PPP1R14D: variants seen among roughly 807,000 people sequenced by gnomAD.
PPP1R14D encodes protein phosphatase 1 regulatory inhibitor subunit 14D.
In PPP1R14D, 14 loss-of-function variants were observed where a neutral mutation model predicts 17.1. The observed-to-expected ratio is 0.82, with a 90% CI of 0.54 to 1.28. The LOEUF is 1.28. PPP1R14D is among the 50% of genes most tolerant of loss of function. PPP1R14D has a pLI of 0.00. For synonymous variants in PPP1R14D, 67 were observed against 66.1 expected, an observed-to-expected ratio of 1.01 and a Z score of -0.06; for missense variants, 173 against 179.2, an observed-to-expected ratio of 0.97 and a Z score of 0.20.
intron 1 of PPP1R14D, among the ~76,000 whole-genome samples, chr15:40,819,897 G>C (rs1890741354): frequency 6.8e-6 from 1 of 147,190 alleles, no homozygotes; most frequent in African/African-American, 2.5e-5. Flanking sequence ...ATGGAGGTTT[G>C]CTCTTGTTGC....
rs556435257 is a variant in PPP1R14D, at chr15:40,822,020, G to A, written c.256-5767C>T. On this transcript the variant is annotated intron_variant, in intron 1 of 3. Transcript: ENST00000299174. ...TGGTCAGGTGCAGTGGCTTATGCCTGTAATCCCAGCACTTTGGGAGGCTGA... is the reference window on the plus strand; with the variant it reads ...TGGTCAGGTGCAGTGGCTTATGCCTATAATCCCAGCACTTTGGGAGGCTGA... Among the ~76,000 whole-genome samples, 9 of 152,290 alleles carry A rather than the reference G, an allele frequency of 5.9e-5. No individual in the cohort carries two copies. The East Asian group carries it at 1.7e-3, about 29-fold the overall frequency.
In PPP1R14D at chr15:40,816,227, C is replaced by T. The variant is rs1230199624; in HGVS notation, c.282G>A (p.Glu94=). ...GATCCATGAGAGCTTCCAGGTCAATCTCAGGCTCAGAAGGGGTTGCTTGAT... is the reference window on the plus strand; with the variant it reads ...GATCCATGAGAGCTTCCAGGTCAATTTCAGGCTCAGAAGGGGTTGCTTGAT... ...FQDQATPSEP[E]IDLEALMDLS... Residue 94 remains glutamate, a synonymous_variant, in exon 2 of 4, where the codon GAG becomes GAA. Transcript: ENST00000299174. 3.1e-6 allele frequency: 5 copies of T among 1,614,176 alleles called. No individual in the cohort carries two copies. The highest frequency in any genetic ancestry group is 2.2e-5 in the South Asian group (2 of 91,078).
intron 1 of PPP1R14D, among the ~76,000 whole-genome samples, chr15:40,819,100 T>C (rs1229999414): frequency 1.3e-5 from 2 of 152,208 alleles, no homozygotes; most frequent in African/African-American, 4.8e-5. Context: ...AACAAGGACA[T>C]TCTTTCTGTT....
At chr15:40,818,598 C>CA (rs34474703) in intron 1 of PPP1R14D, among the ~76,000 whole-genome samples, 4 of 151,136 alleles carry the variant, frequency 2.6e-5, no homozygotes, top group Admixed American at 1.3e-4. Context: ...GACCCTGTCT[C>CA]AAAAAAAAGA....
intron 1 of PPP1R14D, chr15:40,817,149 G>C (rs573343308): frequency 1.2e-4 from 21 of 169,174 alleles, no homozygotes; most frequent in South Asian, 3.7e-4. Flanking sequence ...TTGAGGTCAG[G>C]AGTTCTAGAC....
At chr15:40,818,008 T>A (rs1890703144) in intron 1 of PPP1R14D, among the ~76,000 whole-genome samples, 1 of 152,100 alleles carries the variant, frequency 6.6e-6, no homozygotes, top group Non-Finnish European at 1.5e-5. Flanking sequence ...TGCACACAGA[T>A]GGCTGGGTGC....
intron 1 of PPP1R14D, among the ~76,000 whole-genome samples, chr15:40,827,991 G>A (rs927105292): frequency 6.6e-6 from 1 of 152,016 alleles, no homozygotes; most frequent in Non-Finnish European, 1.5e-5. Flanking sequence ...GAAAAGAAAC[G>A]AAAATGTAGC....
Position 40,816,001 on chromosome 15 carries a change from A to G in PPP1R14D, c.340-7T>C, listed in dbSNP as rs1890654148. 3 of 1,614,040 alleles carry G rather than the reference A, an allele frequency of 1.9e-6. No homozygotes were observed. The highest frequency in any genetic ancestry group is 2.5e-6 in the Non-Finnish European group (3 of 1,179,962). ...GGCAGTTCCCAAGAATGGCCTAGAT[A>G]GGAGAGAACACAGACAGGGCCCCAA... is the stretch of plus-strand genomic sequence containing the variant. On this transcript the variant is annotated splice_region_variant and splice_polypyrimidine_tract_variant and intron_variant, in intron 2 of 3. Transcript: ENST00000299174.
intron 1 of PPP1R14D, among the ~76,000 whole-genome samples, chr15:40,827,196 G>A (rs1046635593): frequency 8.5e-5 from 13 of 152,218 alleles, no homozygotes; most frequent in African/African-American, 3.1e-4. Context: ...GCCACATGGG[G>A]CTATTTAACA....
intron 1 of PPP1R14D, among the ~76,000 whole-genome samples, chr15:40,819,015 T>G (rs1890725014): frequency 6.6e-6 from 1 of 152,166 alleles, no homozygotes. Flanking sequence ...AACCTAAAAC[T>G]GCTCTAAAAA....
intron 1 of PPP1R14D, among the ~76,000 whole-genome samples, chr15:40,818,288 C>CAAAAAA (rs764375543): frequency 4.6e-4 from 17 of 37,012 alleles, no homozygotes; most frequent in South Asian, 2.0e-3. Context: ...GACTCCATCT[C>CAAAAAA]AAAAAAAAAA....
intron 1 of PPP1R14D, among the ~76,000 whole-genome samples, chr15:40,820,450 AGCCTGGCCTAGAT>A (rs1451825920): frequency 6.6e-6 from 1 of 151,624 alleles, no homozygotes; most frequent in Non-Finnish European, 1.5e-5. Flanking sequence ...TGAGCCACCG[AGCCTGGCCTAGAT>A]TAAAAAACTT....
chr15:40,823,843 T>C (rs571138121), intron 1 of PPP1R14D, among the ~76,000 whole-genome samples: 1 of 151,916 alleles, frequency 6.6e-6, no homozygotes, highest in Non-Finnish European at 1.5e-5. Context: ...GACTATATAT[T>C]GAATATAAGG....
intron 1 of PPP1R14D, among the ~76,000 whole-genome samples, chr15:40,819,867 ATTTTT>A (rs66982849): frequency 1.5e-5 from 2 of 137,510 alleles, no homozygotes; most frequent in Non-Finnish European, 3.1e-5. Flanking sequence ...GTATATTGCT[ATTTTT>A]TTTTTTTTTT....
At chr15:40,820,065 C>T (rs1271299432) in intron 1 of PPP1R14D, among the ~76,000 whole-genome samples, 1 of 151,618 alleles carries the variant, frequency 6.6e-6, no homozygotes, top group Non-Finnish European at 1.5e-5. Flanking sequence ...GGGGTTTCTC[C>T]ATGTTGGTCA....
intron 1 of PPP1R14D, 152 bp downstream of exon 1, chr15:40,828,235 A>C (rs1370755260): frequency 2.6e-5 from 28 of 1,089,190 alleles, no homozygotes; most frequent in Admixed American, 4.9e-5. Context: ...AGACTTCTGG[A>C]CTTCAAACCG....
intron 1 of PPP1R14D, 111 bp from the exon 2 acceptor site, chr15:40,816,364 C>G: frequency 2.4e-6 from 2 of 844,032 alleles, no homozygotes; most frequent in Non-Finnish European, 4.0e-6. Context: ...GTTAGACTTT[C>G]TCCTCACTCA....
At chr15:40,819,867 A>ATT (rs66982849) in intron 1 of PPP1R14D, among the ~76,000 whole-genome samples, 5 of 137,508 alleles carry the variant, frequency 3.6e-5, no homozygotes, top group South Asian at 2.3e-4. Context: ...GTATATTGCT[A>ATT]TTTTTTTTTT....
In PPP1R14D at chr15:40,815,774, CAGG is replaced by C; in HGVS notation, c.373-16_373-14del. 2 of 1,600,776 alleles carry C rather than the reference CAGG, an allele frequency of 1.2e-6. No homozygotes were observed. The highest frequency in any genetic ancestry group is 1.7e-6 in the Non-Finnish European group (2 of 1,171,016). On this transcript the variant is annotated splice_polypyrimidine_tract_variant and intron_variant, in intron 3 of 3. Coordinates refer to ENST00000299174, the MANE Select transcript of PPP1R14D (RefSeq NM_017726.8). Reference sequence around the variant, plus strand: ...CAGAGATAAAAGCCTGAGGGAGAAACAGGAGTGAGACCAGGCTTGGGGTCACAA... The same window carrying C: ...CAGAGATAAAAGCCTGAGGGAGAAACAGTGAGACCAGGCTTGGGGTCACAA...
Sources: allele counts gnomAD v4.1 joint callset (sites outside exome capture counted in the v4.1 genomes callset), GRCh38; gene constraint gnomAD v4.1.1; transcripts MANE v1.5; gene names NCBI Gene and HGNC (gene_info 2026-07-23, HGNC 2026-07-21).